LZIC: variants seen among roughly 807,000 people sequenced by gnomAD.
LZIC encodes leucine zipper and CTNNBIP1 domain containing.
LZIC carries 28 observed loss-of-function variants against 25.4 expected under a neutral mutation model. The observed-to-expected ratio is 1.10, with a 90% CI of 0.82 to 1.51. The LOEUF (loss-of-function observed/expected upper bound fraction) is 1.51, where lower values mean the gene tolerates loss of function less well. Ranked by LOEUF, LZIC falls within the 40% of genes most tolerant of loss-of-function variation. The pLI, the probability that LZIC is intolerant of heterozygous loss-of-function variation, is 0.00. For synonymous variants in LZIC, 65 were observed against 70.7 expected (o/e 0.92, Z 0.40); for missense variants, 170 against 211.1 (o/e 0.81, Z 1.21).
chr1:9,925,607 T>C (rs79265580), downstream of LZIC, among the ~76,000 whole-genome samples: 1 of 152,028 alleles, frequency 6.6e-6, no homozygotes. Context: ...CTCTTTTTTT[T>C]TGAGACAGAG....
At chr1:9,938,022 A>C (rs1164305160) in intron 2 of LZIC, among the ~76,000 whole-genome samples, 1 of 152,082 alleles carries the variant, frequency 6.6e-6, no homozygotes, top group Admixed American at 6.6e-5. Flanking sequence ...TTATTGGTCT[A>C]TCTTACTCTA....
At position 9,932,851 on chromosome 1, in the gene LZIC, A is replaced by C. The variant is rs767970414; in HGVS notation, c.384T>G (p.Thr128=). The change falls in exon 6 of 8, where the codon ACT becomes ACG. Residue 128 remains threonine, a synonymous_variant. Coordinates refer to ENST00000377223, the MANE Select transcript of LZIC (RefSeq NM_032368.5). Reference sequence around the variant, plus strand: ...CTGTTAGTATCTCCACTTTCTGTTGAGTGTACAGGTCTCTTTCCAGCTTTC... The same window carrying C: ...CTGTTAGTATCTCCACTTTCTGTTGCGTGTACAGGTCTCTTTCCAGCTTTC... ...MVGKLERDLY[T]QQKVEILTAL... The C allele has an allele frequency of 6.2e-7, 1 of 1,613,064 alleles. No individual in the cohort carries two copies. The highest frequency in any genetic ancestry group is 8.5e-7 in the Non-Finnish European group (1 of 1,179,224).
At position 9,930,280 on chromosome 1, in the gene LZIC, T is replaced by C; in HGVS notation, c.*119A>G. ...ATAAGTATATTTTTATGTCGCTTTTTCTTAGGTTATTGATGCATTTCCAGA... is the reference window on the plus strand; with the variant it reads ...ATAAGTATATTTTTATGTCGCTTTTCCTTAGGTTATTGATGCATTTCCAGA... On this transcript the variant is annotated 3_prime_UTR_variant, in exon 8 of 8. Coordinates refer to ENST00000377223, the MANE Select transcript of LZIC (RefSeq NM_032368.5). 1.9e-6 allele frequency: 3 copies of C among 1,548,196 alleles called. No individual in the cohort carries two copies. The highest frequency in any genetic ancestry group is 2.6e-6 in the Non-Finnish European group (3 of 1,150,970).
rs1316608215 is a variant in LZIC, at chr1:9,927,909, G to C, written c.*2490C>G. ...AGGCTGGTCTTGAGCTCCTGATCTT[G>C]TGATCCGCCCGCCTTGGCCTCCTGA... On this transcript the variant is annotated 3_prime_UTR_variant, in exon 8 of 8. Transcript: ENST00000377223. 6.6e-6 allele frequency among the ~76,000 whole-genome samples: 1 copy of C among 151,832 alleles called. No homozygotes were observed. Among genetic ancestry groups the C allele is most frequent in the African/African-American group, 2.4e-5 (1 of 41,332 alleles).
intron 2 of LZIC, among the ~76,000 whole-genome samples, chr1:9,941,791 C>T (rs928711926): frequency 6.6e-6 from 1 of 152,226 alleles, no homozygotes; most frequent in Admixed American, 6.5e-5. Flanking sequence ...GCCACCGCAC[C>T]CGGCCTTTAC....
chr1:9,923,651 A>G (rs1023426583), downstream of LZIC, among the ~76,000 whole-genome samples: 4 of 150,640 alleles, frequency 2.7e-5, no homozygotes, highest in African/African-American at 9.8e-5. Context: ...TTTGAAATGC[A>G]TATTTTAAGA....
At position 9,926,841 on chromosome 1, in the gene LZIC, A is replaced by G. The variant is rs1051443124; in HGVS notation, c.*3558T>C. Among the ~76,000 whole-genome samples, 5 of 152,124 alleles carry G rather than the reference A, an allele frequency of 3.3e-5. No homozygotes were observed. Among genetic ancestry groups the G allele is most frequent in the African/African-American group, 1.2e-4 (5 of 41,354 alleles). On this transcript the variant is annotated 3_prime_UTR_variant, in exon 8 of 8. Coordinates refer to ENST00000377223, the MANE Select transcript of LZIC (RefSeq NM_032368.5). Reference sequence around the variant, plus strand: ...GAAGATTAAATGTAGCAAGAAGTGGAAGAGAAACACAGTTTATAAGTCATT... The same window carrying G: ...GAAGATTAAATGTAGCAAGAAGTGGGAGAGAAACACAGTTTATAAGTCATT...
Position 9,927,508 on chromosome 1 carries a change from G to C in LZIC, c.*2891C>G, listed in dbSNP as rs545323214. ...TTAGAGACAGGGTTTCACCATGTTGGCCAGGCTGGTCTCAAATCCTGAGTT... is the reference window on the plus strand; with the variant it reads ...TTAGAGACAGGGTTTCACCATGTTGCCCAGGCTGGTCTCAAATCCTGAGTT... On this transcript the variant is annotated 3_prime_UTR_variant, in exon 8 of 8. Transcript: ENST00000377223. Among the ~76,000 whole-genome samples, 2 of 150,988 alleles carry C rather than the reference G, an allele frequency of 1.3e-5. No homozygotes were observed. Among genetic ancestry groups the C allele is most frequent in the Non-Finnish European group, 2.9e-5 (2 of 67,814 alleles).
chr1:9,942,254 T>C (rs968526643), intron 2 of LZIC, among the ~76,000 whole-genome samples: 2 of 152,186 alleles, frequency 1.3e-5, no homozygotes, highest in African/African-American at 4.8e-5. Flanking sequence ...TTTCTGCCTT[T>C]AATTATATAT....
Position 9,929,588 on chromosome 1 carries a change from G to T in LZIC, c.*811C>A. 1 of 985,366 alleles carries T rather than the reference G, an allele frequency of 1.0e-6. No homozygotes were observed. The highest frequency in any genetic ancestry group is 1.2e-6 in the Non-Finnish European group (1 of 829,934). The allele number at this position is 985,366 out of a possible 1,614,324, so 61.0% of individuals were successfully genotyped here. A position where few individuals can be genotyped will look rare whatever the true frequency, so the allele number is the denominator to read the frequency against. On this transcript the variant is annotated 3_prime_UTR_variant, in exon 8 of 8. Coordinates refer to ENST00000377223, the MANE Select transcript of LZIC (RefSeq NM_032368.5). ...AGCTGCCATTTCCTGTTGCTTCCCT[G>T]GTCAAACAACGCAGGCGGCTAAGTC...
Position 9,934,225 on chromosome 1 carries a change from C to CT in LZIC, c.336+536dup, listed in dbSNP as rs553690322. On this transcript the variant is annotated intron_variant, in intron 5 of 7. Coordinates refer to ENST00000377223, the MANE Select transcript of LZIC (RefSeq NM_032368.5). ...CCTGGGCAACAGAACAAGACCCCAT[C>CT]TCAAAAAAAAAAAAAAACATAAAAA... Among the ~76,000 whole-genome samples, 52 of 144,922 alleles carry CT rather than the reference C, an allele frequency of 3.6e-4. No homozygotes were observed. The East Asian group carries it at 9.5e-3, about 26-fold the overall frequency.
chr1:9,923,929 T>TTA (rs905021205), downstream of LZIC, among the ~76,000 whole-genome samples: 112 of 152,282 alleles, frequency 7.4e-4, 1 homozygote, highest in African/African-American at 2.4e-3. Context: ...ATTTTTGTAT[T>TTA]TTTGTAGAGA....
chr1:9,932,777 G>T, intron 6 of LZIC, 26 bp downstream of exon 6: 2 of 1,299,982 alleles, frequency 1.5e-6, no homozygotes, highest in East Asian at 2.4e-5. Context: ...CTTTTTCTTT[G>T]TAACTAATAT....
intron 4 of LZIC, among the ~76,000 whole-genome samples, chr1:9,935,199 G>A (rs759365394): frequency 6.6e-6 from 1 of 151,884 alleles, no homozygotes; most frequent in Non-Finnish European, 1.5e-5. Context: ...GGAGGCCGAG[G>A]CAGACAGATA....
At chr1:9,939,146 C>T (rs1024994897) in intron 2 of LZIC, among the ~76,000 whole-genome samples, 3 of 152,006 alleles carry the variant, frequency 2.0e-5, no homozygotes, top group Non-Finnish European at 4.4e-5. Context: ...GGCACGATTT[C>T]GGCTCACTGC....
At chr1:9,936,463 C>T (rs1461734680) in intron 3 of LZIC, 56 bp downstream of exon 3, 2 of 1,097,764 alleles carry the variant, frequency 1.8e-6, no homozygotes, top group Non-Finnish European at 1.4e-6. Flanking sequence ...ATCCACGGAG[C>T]TAGCTGCAGA....
chr1:9,932,113 G>A, intron 6 of LZIC, 141 bp from the exon 7 acceptor site: 2 of 457,104 alleles, frequency 4.4e-6, no homozygotes, highest in South Asian at 4.7e-5. Context: ...GGGGGGGGGG[G>A]GGGGTGGATC....
chr1:9,942,649 C>A lies in LZIC; in HGVS notation c.-34G>T. 2.3e-6 allele frequency: 3 copies of A among 1,288,796 alleles called. No homozygotes were observed. Among genetic ancestry groups the A allele is most frequent in the Non-Finnish European group, 3.0e-6 (3 of 988,312 alleles). The allele number at this position is 1,288,796 out of a possible 1,614,324, so 79.8% of individuals were successfully genotyped here. On this transcript the variant is annotated 5_prime_UTR_variant, in exon 2 of 8. Coordinates refer to ENST00000377223, the MANE Select transcript of LZIC (RefSeq NM_032368.5). ...CTGTCTCTTAGTACTCTGATCTCTG[C>A]ACAGTGCCGACCGGTCTCAAATTGC...
downstream of LZIC, among the ~76,000 whole-genome samples, chr1:9,923,494 G>A (rs1639908130): frequency 6.8e-6 from 1 of 147,188 alleles, no homozygotes; most frequent in African/African-American, 2.5e-5. Context: ...ACAGGCATGA[G>A]CCACCGCACC....
Sources: gnomAD v4.1 joint callset for allele counts (sites outside exome capture counted in the v4.1 genomes callset) on GRCh38, gnomAD v4.1.1 for gene constraint, MANE v1.5 for transcripts, NCBI Gene and HGNC (gene_info 2026-07-23, HGNC 2026-07-21) for gene names.